The following GIGYF2 variants were observed in gnomAD, a reference collection of about 807,000 sequenced individuals.
GIGYF2 encodes GRB10-interacting GYF protein 2.
GIGYF2 carries 25 observed loss-of-function variants against 208.1 expected under a neutral mutation model. The ratio of observed to expected loss-of-function variants is 0.12; its 90% CI spans 0.09 to 0.17. The LOEUF is 0.17. Ranked by LOEUF, GIGYF2 falls within the 10% of genes least tolerant of loss-of-function variation. GIGYF2 has a pLI of 1.00. For synonymous variants in GIGYF2, 534 were observed against 543.8 expected, an observed-to-expected ratio of 0.98 and a Z score of 0.25; for missense variants, 1,302 against 1,579.4, an observed-to-expected ratio of 0.82 and a Z score of 2.98.
Position 232,796,079 on chromosome 2 carries a change from G to A in GIGYF2, c.1497G>A (p.Val499=). The change falls in exon 14 of 29, where the codon GTG becomes GTA. Residue 499 remains valine, a synonymous_variant. Coordinates refer to ENST00000373563, the MANE Select transcript of GIGYF2 (RefSeq NM_001103146.3). Reference sequence around the variant, plus strand: ...GTTACTAGCAAGCTGAGAAAATGGTGGCTTATCTCCAAGACAGTGCACTAG... The same window carrying A: ...GTTACTAGCAAGCTGAGAAAATGGTAGCTTATCTCCAAGACAGTGCACTAG... ...KHLEQQAEKM[V]AYLQDSALDD... is the part of the protein sequence containing the mutation. 3.7e-6 allele frequency: 6 copies of A among 1,611,676 alleles called. No individual in the cohort carries two copies. The highest frequency in any genetic ancestry group is 5.1e-6 in the Non-Finnish European group (6 of 1,177,872).
chr2:232,819,920 A>G lies in GIGYF2; in HGVS notation c.2464A>G (p.Arg822Gly). The change falls in exon 21 of 29, where the codon AGA becomes GGA. Residue 822 changes from arginine (R) to glycine (G), a missense_variant. Arg to Gly is a moderately radical substitution (Grantham distance 125). Coordinates refer to ENST00000373563, the MANE Select transcript of GIGYF2 (RefSeq NM_001103146.3). Reference sequence around the variant, plus strand: ...ACAGCAGCAAGAAGAAGCTCTTAGAAGACTGGAAGAGAGGAGAAGAGAAGA... The same window carrying G: ...ACAGCAGCAAGAAGAAGCTCTTAGAGGACTGGAAGAGAGGAGAAGAGAAGA... ...ERQQQEEALRRLEERRREEEE... is the reference protein window; with the variant it reads ...ERQQQEEALRGLEERRREEEE... The G allele has an allele frequency of 6.3e-7, 1 of 1,576,054 alleles. No homozygotes were observed. The highest frequency in any genetic ancestry group is 8.7e-7 in the Non-Finnish European group (1 of 1,145,302).
chr2:232,773,910 T>TA (rs61323973), intron 8 of GIGYF2, among the ~76,000 whole-genome samples: 18,324 of 112,572 alleles, frequency 0.16, 1,910 homozygotes, highest in Non-Finnish European at 0.23. Context: ...TGTCTCTATT[T>TA]AAAAAAAAAA....
intron 21 of GIGYF2, among the ~76,000 whole-genome samples, chr2:232,830,935 G>C (rs1363210170): frequency 6.6e-6 from 1 of 152,142 alleles, no homozygotes. Flanking sequence ...TGTTTTTGAT[G>C]ACTTTGACAG....
At chr2:232,849,711 C>G (rs1006232669) in intron 27 of GIGYF2, among the ~76,000 whole-genome samples, 1 of 152,112 alleles carries the variant, frequency 6.6e-6, no homozygotes, top group Non-Finnish European at 1.5e-5. Flanking sequence ...CACAAGTAGG[C>G]GTGAAGGGCT....
intron 14 of GIGYF2, among the ~76,000 whole-genome samples, chr2:232,797,868 C>T (rs34388285): frequency 0.028 from 4,294 of 151,328 alleles, 87 homozygotes; most frequent in Middle Eastern, 0.045. Context: ...GTAGTCCCAG[C>T]TACTTAGGTG....
At chr2:232,816,064 T>G (rs986426267) in intron 19 of GIGYF2, among the ~76,000 whole-genome samples, 2 of 152,226 alleles carry the variant, frequency 1.3e-5, no homozygotes, top group Non-Finnish European at 2.9e-5. Context: ...CTACATTGTT[T>G]ATGAGACTCC....
chr2:232,823,227 A>G (rs1701149125), intron 21 of GIGYF2, among the ~76,000 whole-genome samples: 1 of 152,096 alleles, frequency 6.6e-6, no homozygotes, highest in African/African-American at 2.4e-5. Context: ...TACTTGATAC[A>G]TATGTTAACC....
chr2:232,813,190 T>TC (rs1404889232), intron 18 of GIGYF2, among the ~76,000 whole-genome samples: 90 of 142,446 alleles, frequency 6.3e-4, no homozygotes, highest in Middle Eastern at 3.5e-3. Context: ...TTGCTTTCTT[T>TC]TTTTTTTTTT....
At chr2:232,848,002 T>G (rs1337069287) in intron 27 of GIGYF2, among the ~76,000 whole-genome samples, 1 of 152,226 alleles carries the variant, frequency 6.6e-6, no homozygotes, top group Non-Finnish European at 1.5e-5. Flanking sequence ...GTGATTCTCA[T>G]TATTCACAGT....
intron 8 of GIGYF2, among the ~76,000 whole-genome samples, chr2:232,785,272 C>T (rs1187342198): frequency 2.0e-5 from 3 of 152,116 alleles, no homozygotes; most frequent in Non-Finnish European, 2.9e-5. Context: ...CATTTATTAT[C>T]TCAGTTTCTG....
chr2:232,854,516 A>G (rs1236131718), intron 28 of GIGYF2, among the ~76,000 whole-genome samples: 1 of 152,090 alleles, frequency 6.6e-6, no homozygotes, highest in African/African-American at 2.4e-5. Flanking sequence ...ATATGTATAT[A>G]TATATAAACA....
Position 232,739,372 on chromosome 2 carries a change from C to T in GIGYF2, c.41+4134C>T, listed in dbSNP as rs781397030. 9.4e-3 allele frequency among the ~76,000 whole-genome samples: 1,193 copies of T among 126,700 alleles called. 64 individuals carry two copies. Among genetic ancestry groups the T allele is most frequent in the Admixed American group, 0.058 (736 of 12,690 alleles). The allele number at this position is 126,700 out of a possible 152,430, so 83.1% of individuals were successfully genotyped here. A position where few individuals can be genotyped will look rare whatever the true frequency, so the allele number is the denominator to read the frequency against. On this transcript the variant is annotated intron_variant, in intron 3 of 28. Transcript: ENST00000373563. ...GGCAACAAAAGCAAACCCCCCCCCC[C>T]CCGCAAAAAAAAAGAAAAGGGTTAG... is the stretch of plus-strand genomic sequence containing the variant.
intron 12 of GIGYF2, 80 bp downstream of exon 12, chr2:232,791,526 A>G: frequency 8.1e-7 from 1 of 1,236,496 alleles, no homozygotes; most frequent in African/African-American, 1.5e-5. Context: ...GCTTCTGCTT[A>G]TGCCTCCTAG....
At chr2:232,733,257 CA>C (rs397868481) in intron 2 of GIGYF2, among the ~76,000 whole-genome samples, 27,771 of 91,124 alleles carry the variant, frequency 0.3, 2,883 homozygotes, top group Admixed American at 0.37. Flanking sequence ...ACTCTTGTCT[CA>C]AAAAAAAAAA....
chr2:232,786,609 A>G (rs1699915235), intron 8 of GIGYF2, among the ~76,000 whole-genome samples: 1 of 152,254 alleles, frequency 6.6e-6, no homozygotes, highest in Non-Finnish European at 1.5e-5. Flanking sequence ...AGGCAGAATC[A>G]CCAGTAGGTG....
chr2:232,713,774 A>G (rs1696539450), intron 2 of GIGYF2, among the ~76,000 whole-genome samples: 1 of 152,198 alleles, frequency 6.6e-6, no homozygotes, highest in African/African-American at 2.4e-5. Flanking sequence ...TTTCATGATT[A>G]GACTGGGGTT....
In GIGYF2 at chr2:232,806,394, T is replaced by TG. The variant is rs1355720701; in HGVS notation, c.1640-96dup. On this transcript the variant is annotated intron_variant, in intron 14 of 28. Coordinates refer to ENST00000373563, the MANE Select transcript of GIGYF2 (RefSeq NM_001103146.3). This position sits in a 1 kb window ranked among gnomAD's most constrained non-coding sequence, Gnocchi z 4.0. ...AGATAGTATAAAACATTTTGACAGA[T>TG]GCCACCTCGATGAGAATCAGATGCA... The TG allele has an allele frequency of 1.1e-6, 1 of 869,896 alleles. No homozygotes were observed. The highest frequency in any genetic ancestry group is 2.4e-5 in the East Asian group (1 of 41,616). The allele number at this position is 869,896 out of a possible 1,614,324, so 53.9% of individuals were successfully genotyped here.
chr2:232,728,367 A>G (rs189553234), intron 2 of GIGYF2, among the ~76,000 whole-genome samples: 2 of 152,232 alleles, frequency 1.3e-5, no homozygotes, highest in Non-Finnish European at 2.9e-5. Flanking sequence ...AGGCCCAGTC[A>G]GGGAAGCAAA....
In GIGYF2 at chr2:232,806,786, G is replaced by T; in HGVS notation, c.1806+129G>T. On this transcript the variant is annotated intron_variant, in intron 15 of 28. Transcript: ENST00000373563. This position sits in a 1 kb window ranked among gnomAD's most constrained non-coding sequence, Gnocchi z 4.0. ...TCTTTGAAATTAATGGAAATGGTAA[G>T]GGAAAGTCTGAATGGAAGACTGAAT... The T allele has an allele frequency of 1.3e-6, 1 of 794,078 alleles. No homozygotes were observed. The highest frequency in any genetic ancestry group is 2.2e-6 in the Non-Finnish European group (1 of 449,638). 49.2% of individuals were successfully genotyped at this position (794,078 alleles called of 1,614,324 possible). A position where few individuals can be genotyped will look rare whatever the true frequency, so the allele number is the denominator to read the frequency against.
Sources: gnomAD v4.1 joint callset for allele counts (sites outside exome capture counted in the v4.1 genomes callset) on GRCh38, gnomAD v4.1.1 for gene constraint, Gnocchi (gnomAD v3.1) non-coding constraint, MANE v1.5 for transcripts, NCBI Gene and HGNC (gene_info 2026-07-23, HGNC 2026-07-21) for gene names.